Variants in DGKH observed in about 807,000 individuals in gnomAD.
DGKH encodes diacylglycerol kinase eta, also known as DAG kinase eta.
Under a neutral mutation model 159.3 loss-of-function variants are expected in DGKH, and 90 were observed. The observed-to-expected ratio is 0.57, with a 90% CI of 0.48 to 0.67. DGKH has a LOEUF of 0.67. Ranked by LOEUF, DGKH falls within the 30% of genes least tolerant of loss-of-function variation. DGKH has a pLI of 0.00. For missense variants in DGKH, 1,181 were observed against 1,506.1 expected, an observed-to-expected ratio of 0.78 and a Z score of 3.57; for synonymous variants, 536 against 553.8, an observed-to-expected ratio of 0.97 and a Z score of 0.45.
chr13:42,138,016 C>T, intron 3 of DGKH: 2 of 855,632 alleles, frequency 2.3e-6, no homozygotes, highest in Non-Finnish European at 2.8e-6. Context: ...ATAGAACAGG[C>T]CCCTTGTGAG....
At chr13:42,147,744 T>G (rs974809235) in intron 3 of DGKH, among the ~76,000 whole-genome samples, 4 of 152,322 alleles carry the variant, frequency 2.6e-5, no homozygotes, top group African/African-American at 4.8e-5. Flanking sequence ...ATCCCTGTAA[T>G]TACAATTAAT....
rs1243680902 is a variant in DGKH at position 42,219,825 on chromosome 13, A to G, written c.3442+31A>G. On this transcript the variant is annotated intron_variant, in intron 28 of 29. Transcript: ENST00000337343. ...TGGTCCATATGGAAGGGGAAATATA[A>G]CATTATGAAAAAAGAGCTGATTAAA... 7.6e-6 allele frequency: 12 copies of G among 1,587,030 alleles called. No individual in the cohort carries two copies. The Admixed American group carries it at 2.1e-4, about 27-fold the overall frequency.
intron 17 of DGKH, among the ~76,000 whole-genome samples, chr13:42,196,836 A>C (rs578143374): frequency 3.9e-5 from 6 of 152,362 alleles, no homozygotes; most frequent in African/African-American, 1.4e-4. Context: ...ATCAATCTGA[A>C]ACAAACTGGT....
intron 1 of DGKH, among the ~76,000 whole-genome samples, chr13:42,122,035 C>G (rs1955083314): frequency 6.6e-6 from 1 of 152,122 alleles, no homozygotes; most frequent in Admixed American, 6.5e-5. Context: ...AAAATTTTCC[C>G]CACTACCCCA....
At chr13:42,224,174 T>C (rs988248768) in intron 29 of DGKH, among the ~76,000 whole-genome samples, 3 of 152,220 alleles carry the variant, frequency 2.0e-5, no homozygotes, top group African/African-American at 7.2e-5. Context: ...AAACCTAGGT[T>C]AGAGAATTTC....
At chr13:42,224,894 G>GA (rs71700896) in intron 29 of DGKH, among the ~76,000 whole-genome samples, 1,467 of 143,008 alleles carry the variant, frequency 0.01, 21 homozygotes, top group African/African-American at 0.036. Flanking sequence ...TTGGGAAAAG[G>GA]AAAAAAAAAA....
intron 1 of DGKH, among the ~76,000 whole-genome samples, chr13:42,088,948 A>C (rs1265192995): frequency 6.6e-6 from 1 of 152,228 alleles, no homozygotes; most frequent in African/African-American, 2.4e-5. Flanking sequence ...TGTAAATCAA[A>C]AGGAAAAACT....
chr13:42,183,726 A>T (rs552976789), intron 13 of DGKH, among the ~76,000 whole-genome samples: 1 of 152,366 alleles, frequency 6.6e-6, no homozygotes, highest in Non-Finnish European at 1.5e-5. Context: ...TGGTATGGTA[A>T]TAAGAGTTAT....
chr13:42,171,626 T>C (rs1956457252), intron 11 of DGKH, among the ~76,000 whole-genome samples: 2 of 152,222 alleles, frequency 1.3e-5, no homozygotes, highest in Admixed American at 6.5e-5. Flanking sequence ...ATGTTTCTAC[T>C]CGTGGTTTTC....
At chr13:42,056,260 C>T (rs1220484528) in intron 1 of DGKH, among the ~76,000 whole-genome samples, 1 of 151,688 alleles carries the variant, frequency 6.6e-6, no homozygotes, top group Non-Finnish European at 1.5e-5. Context: ...TAATAATTCT[C>T]TCCCTCCTGC....
intron 1 of DGKH, among the ~76,000 whole-genome samples, chr13:42,123,406 A>G (rs919279573): frequency 1.3e-5 from 2 of 152,210 alleles, no homozygotes; most frequent in Non-Finnish European, 2.9e-5. Context: ...ATGTTTTCCC[A>G]TAGAAGATAA....
intron 3 of DGKH, chr13:42,153,822 G>T (rs2137947688): frequency 6.6e-6 from 1 of 152,348 alleles, no homozygotes. Context: ...GCAAAAGTGA[G>T]GTTCTCTTCA....
chr13:42,047,650 A>G (rs1479740185), upstream of DGKH, among the ~76,000 whole-genome samples: 1 of 152,184 alleles, frequency 6.6e-6, no homozygotes. Context: ...GCGGTTCCCA[A>G]GTGCCCGCGC....
chr13:42,154,498 G>T (rs1955991121), intron 3 of DGKH, among the ~76,000 whole-genome samples: 2 of 152,062 alleles, frequency 1.3e-5, no homozygotes, highest in Admixed American at 1.3e-4. Context: ...TTGCTTTAAG[G>T]TCCTTAATAT....
intron 1 of DGKH, among the ~76,000 whole-genome samples, chr13:42,057,887 G>A (rs907856513): frequency 5.9e-5 from 9 of 152,152 alleles, no homozygotes; most frequent in Non-Finnish European, 1.0e-4. Flanking sequence ...TGGACCTCTG[G>A]GTGAAGAGCA....
intron 1 of DGKH, among the ~76,000 whole-genome samples, chr13:42,041,382 A>G (rs1445972143): frequency 2.6e-5 from 4 of 152,058 alleles, no homozygotes; most frequent in Non-Finnish European, 5.9e-5. Flanking sequence ...CGCGGCGCGG[A>G]GCCCAGAACC....
At chr13:42,099,027 G>A (rs1489049437) in intron 1 of DGKH, among the ~76,000 whole-genome samples, 1 of 152,220 alleles carries the variant, frequency 6.6e-6, no homozygotes, top group African/African-American at 2.4e-5. Context: ...AGAAATCAGT[G>A]TGGGCCAGGA....
chr13:42,156,365 C>T (rs904606344), intron 5 of DGKH, among the ~76,000 whole-genome samples: 2 of 152,108 alleles, frequency 1.3e-5, no homozygotes, highest in Non-Finnish European at 1.5e-5. Flanking sequence ...ACCTCAGTCT[C>T]CCTAGTAGCT....
intron 3 of DGKH, among the ~76,000 whole-genome samples, chr13:42,133,580 C>T (rs1171534859): frequency 2.0e-5 from 3 of 152,028 alleles, no homozygotes; most frequent in Non-Finnish European, 4.4e-5. Flanking sequence ...CCTGTAGTGC[C>T]AGCTATTCTG....
Sources: gnomAD v4.1 joint callset for allele counts (sites outside exome capture counted in the v4.1 genomes callset) on GRCh38, gnomAD v4.1.1 for gene constraint, MANE v1.5 for transcripts, NCBI Gene and HGNC (gene_info 2026-07-23, HGNC 2026-07-21) for gene names.